The following ARHGAP26 variants were observed in gnomAD, a reference collection of about 807,000 sequenced individuals.
ARHGAP26 encodes rho GTPase-activating protein 26.
Under a neutral mutation model 104.8 loss-of-function variants are expected in ARHGAP26, and 38 were observed. The observed-to-expected ratio is 0.36, with a 90% CI of 0.28 to 0.48. The LOEUF is 0.48. Ranked by LOEUF, ARHGAP26 falls within the 20% of genes least tolerant of loss-of-function variation. The probability of loss-of-function intolerance (pLI) is 0.99; values close to 1 mark genes in which losing one functional copy is unlikely to be tolerated. For missense variants in ARHGAP26, 704 were observed against 947.9 expected (o/e 0.74, Z 3.38); for synonymous variants, 341 against 340.0 (o/e 1.00, Z -0.03).
chr5:143,118,352 C>A (rs778297965), intron 17 of ARHGAP26, among the ~76,000 whole-genome samples: 4 of 152,208 alleles, frequency 2.6e-5, no homozygotes, highest in Admixed American at 6.5e-5. Context: ...AGATGAGGAA[C>A]CCAAAGCTTA....
At chr5:142,934,232 C>A (rs1278160407) in intron 11 of ARHGAP26, among the ~76,000 whole-genome samples, 1 of 152,194 alleles carries the variant, frequency 6.6e-6, no homozygotes, top group Non-Finnish European at 1.5e-5. Flanking sequence ...TTCTTACTAA[C>A]CACTTCAGTT....
intron 20 of ARHGAP26, among the ~76,000 whole-genome samples, chr5:143,148,088 A>T (rs560738206): frequency 6.6e-6 from 1 of 152,274 alleles, no homozygotes; most frequent in South Asian, 2.1e-4. Flanking sequence ...AATCTTGTCA[A>T]CTAGCGCCTT....
At position 143,027,562 on chromosome 5, in the gene ARHGAP26, C is replaced by G. The variant is rs1018849854; in HGVS notation, c.1145-9634C>G. On this transcript the variant is annotated intron_variant, in intron 12 of 22. Transcript: ENST00000645722. The stretch of plus-strand genomic sequence containing the variant: ...TTAAACCAATTCATCCATTTTTTAC[C>G]TCAGTTTATTTAAAAAAGAAATATA... Among the ~76,000 whole-genome samples, 11 of 151,876 alleles carry G rather than the reference C, an allele frequency of 7.2e-5. No individual in the cohort carries two copies. The East Asian group carries it at 1.7e-3, about 24-fold the overall frequency.
At chr5:143,106,070 G>T (rs554386824) in intron 17 of ARHGAP26, among the ~76,000 whole-genome samples, 56 of 152,214 alleles carry the variant, frequency 3.7e-4, no homozygotes, top group African/African-American at 1.3e-3. Context: ...TTTAAAGGGT[G>T]ACTTTTTCTT....
intron 11 of ARHGAP26, among the ~76,000 whole-genome samples, chr5:142,959,186 T>C (rs957046844): frequency 1.1e-4 from 17 of 152,386 alleles, no homozygotes; most frequent in African/African-American, 3.8e-4. Context: ...CATGCTATTA[T>C]GTGGACATTT....
At chr5:143,077,743 T>G (rs1171306452) in intron 17 of ARHGAP26, among the ~76,000 whole-genome samples, 1 of 152,220 alleles carries the variant, frequency 6.6e-6, no homozygotes, top group Non-Finnish European at 1.5e-5. Flanking sequence ...GTGAGCAATT[T>G]CTAAAAGTAA....
At chr5:142,908,071 G>A (rs191994070) in intron 9 of ARHGAP26, among the ~76,000 whole-genome samples, 29 of 152,180 alleles carry the variant, frequency 1.9e-4, no homozygotes, top group Non-Finnish European at 1.6e-4. Context: ...AATATCAAGC[G>A]TATCAAATAT....
At chr5:142,990,651 T>A (rs1235842002) in intron 11 of ARHGAP26, among the ~76,000 whole-genome samples, 1 of 152,218 alleles carries the variant, frequency 6.6e-6, no homozygotes, top group Non-Finnish European at 1.5e-5. Flanking sequence ...GGTGTGGATG[T>A]CCTTTCTGTT....
At chr5:143,160,568 T>C (rs1297437576) in intron 20 of ARHGAP26, among the ~76,000 whole-genome samples, 2 of 151,906 alleles carry the variant, frequency 1.3e-5, no homozygotes, top group Non-Finnish European at 2.9e-5. Context: ...CACTGCAGCC[T>C]CAACCTCTTA....
At chr5:143,210,597 C>G (rs1328084545) in intron 21 of ARHGAP26, among the ~76,000 whole-genome samples, 6 of 152,204 alleles carry the variant, frequency 3.9e-5, no homozygotes, top group Admixed American at 2.0e-4. Context: ...CACCCCTCCC[C>G]CAAAAAAGCC....
chr5:142,808,006 C>T (rs1291915320), intron 1 of ARHGAP26, among the ~76,000 whole-genome samples: 11 of 151,860 alleles, frequency 7.2e-5, no homozygotes, highest in Non-Finnish European at 1.2e-4. Flanking sequence ...GAGGCCGAGG[C>T]GGGCGGATCA....
At chr5:142,778,780 T>A (rs1412051935) in intron 1 of ARHGAP26, among the ~76,000 whole-genome samples, 1 of 152,238 alleles carries the variant, frequency 6.6e-6, no homozygotes, top group Non-Finnish European at 1.5e-5. Flanking sequence ...CTTTGACATC[T>A]GTTGTTTAGG....
intron 1 of ARHGAP26, among the ~76,000 whole-genome samples, chr5:142,827,348 C>G (rs540545475): frequency 6.6e-6 from 1 of 152,318 alleles, no homozygotes; most frequent in South Asian, 2.1e-4. Context: ...GGCTCAGGTC[C>G]TGGCTCCACT....
chr5:142,978,496 G>A (rs1327751300), intron 11 of ARHGAP26, among the ~76,000 whole-genome samples: 1 of 152,208 alleles, frequency 6.6e-6, no homozygotes, highest in Non-Finnish European at 1.5e-5. Context: ...TGGTGGCCAA[G>A]AGGGTGGTCT....
chr5:142,937,736 A>C (rs566276266), intron 11 of ARHGAP26, among the ~76,000 whole-genome samples: 1 of 152,332 alleles, frequency 6.6e-6, no homozygotes, highest in Admixed American at 6.5e-5. Flanking sequence ...CTATTGGTAC[A>C]CAACAACCGG....
chr5:142,871,424 G>A lies in ARHGAP26; in HGVS notation c.155-1976G>A, dbSNP rs1354180308. ...CTGTTTCCACTTTGTTGAGATGATT[G>A]AGTTTCTCTTGCTTATGGGGGAGGC... is the stretch of plus-strand genomic sequence containing the variant. On this transcript the variant is annotated intron_variant, in intron 1 of 22. Coordinates refer to ENST00000645722, the MANE Select transcript of ARHGAP26 (RefSeq NM_001135608.3). The surrounding 1 kb of genome is among the most constrained non-coding windows in gnomAD (Gnocchi z 4.1). Among the ~76,000 whole-genome samples, 2 of 152,168 alleles carry A rather than the reference G, an allele frequency of 1.3e-5. No homozygotes were observed. Among genetic ancestry groups the A allele is most frequent in the African/African-American group, 2.4e-5 (1 of 41,442 alleles).
intron 20 of ARHGAP26, among the ~76,000 whole-genome samples, chr5:143,182,822 G>A (rs1315336771): frequency 2.0e-5 from 3 of 152,146 alleles, no homozygotes; most frequent in African/African-American, 7.2e-5. Flanking sequence ...CAAGCCCCAT[G>A]TAAATAGTCA....
chr5:142,770,769 TC>T lies in ARHGAP26; in HGVS notation c.11del (p.Pro4GlnfsTer44). The T allele has an allele frequency of 6.6e-7, 1 of 1,517,306 alleles. No homozygotes were observed. The highest frequency in any genetic ancestry group is 8.9e-7 in the Non-Finnish European group (1 of 1,127,326). The allele number at this position is 1,517,306 out of a possible 1,614,324, so 94.0% of individuals were successfully genotyped here. A position where few individuals can be genotyped will look rare whatever the true frequency, so the allele number is the denominator to read the frequency against. On this transcript the variant is annotated frameshift_variant, in exon 1 of 23. Coordinates refer to ENST00000645722, the MANE Select transcript of ARHGAP26 (RefSeq NM_001135608.3). LOFTEE classifies it high-confidence loss of function. ...CTGGGCGCCGCGCGCACCATGGGGC[TC>T]CCAGCGCTCGAGTTCAGCGACTGCT... MG[L>X]PALEFSDCCL... is the part of the protein sequence containing the mutation.
chr5:143,096,970 T>C (rs1439153872), intron 17 of ARHGAP26, among the ~76,000 whole-genome samples: 3 of 151,972 alleles, frequency 2.0e-5, no homozygotes, highest in Non-Finnish European at 4.4e-5. Context: ...CTGGGCCGGG[T>C]GCGGTGGCTC....
Sources: allele counts gnomAD v4.1 joint callset (sites outside exome capture counted in the v4.1 genomes callset), GRCh38; gene constraint gnomAD v4.1.1; non-coding constraint Gnocchi (gnomAD v3.1); transcripts MANE v1.5; gene names NCBI Gene and HGNC (gene_info 2026-07-23, HGNC 2026-07-21).